UTP4: variants seen among roughly 807,000 people sequenced by gnomAD.
UTP4 encodes the protein UTP4 small subunit processome component, also known as U3 small nucleolar RNA-associated protein 4 homolog.
In UTP4, 45 loss-of-function variants were observed where a neutral mutation model predicts 82.4. The ratio of observed to expected loss-of-function variants is 0.55; its 90% CI spans 0.43 to 0.70. The LOEUF is 0.70. Among genes scored for constraint, UTP4 ranks in the 30% least tolerant of loss-of-function variants. The pLI is 0.00. For synonymous variants in UTP4, 348 were observed against 300.3 expected (o/e 1.16, Z -1.64); for missense variants, 819 against 858.3 (o/e 0.95, Z 0.57).
At chr16:69,154,849 C>A (rs1411425806) in intron 10 of UTP4, among the ~76,000 whole-genome samples, 1 of 152,000 alleles carries the variant, frequency 6.6e-6, no homozygotes, top group African/African-American at 2.4e-5. Context: ...CTGCTTTAGC[C>A]CCCCAAGTAG....
chr16:69,135,906 G>T (rs1239712892), intron 2 of UTP4, among the ~76,000 whole-genome samples: 2 of 152,178 alleles, frequency 1.3e-5, no homozygotes, highest in African/African-American at 4.8e-5. Context: ...GCACATGCCT[G>T]TAATCCCAGC....
Position 69,150,501 on chromosome 16 carries a change from G to C in UTP4, c.739-36G>C, listed in dbSNP as rs1963231745. 4 of 1,613,036 alleles carry C rather than the reference G, an allele frequency of 2.5e-6. No individual in the cohort carries two copies. The East Asian group carries it at 8.9e-5, about 36-fold the overall frequency. ...TATTTTTCCAACCAGACCTTGTTTT[G>C]CTTACGTGTACCTCCCTCATGATTT... is the stretch of plus-strand genomic sequence containing the variant. On this transcript the variant is annotated intron_variant, in intron 6 of 16. Coordinates refer to ENST00000314423, the MANE Select transcript of UTP4 (RefSeq NM_032830.3).
intron 6 of UTP4, among the ~76,000 whole-genome samples, chr16:69,145,805 G>A (rs977404077): frequency 6.6e-6 from 1 of 152,122 alleles, no homozygotes; most frequent in African/African-American, 2.4e-5. Context: ...AGGCAGTGTG[G>A]TGTTCCCAGA....
chr16:69,152,294 T>C (rs1597144543), intron 8 of UTP4, among the ~76,000 whole-genome samples: 1 of 151,820 alleles, frequency 6.6e-6, no homozygotes, highest in Non-Finnish European at 1.5e-5. Context: ...TTATTTGTTT[T>C]TGTTTTTTTG....
intron 2 of UTP4, among the ~76,000 whole-genome samples, chr16:69,135,019 T>TC (rs1962775889): frequency 6.9e-6 from 1 of 144,912 alleles, no homozygotes; most frequent in Admixed American, 6.9e-5. Flanking sequence ...TTCTTCTTCT[T>TC]TTTTTTTTTT....
Position 69,153,804 on chromosome 16 carries a change from GT to G in UTP4, c.1099+128del, listed in dbSNP as rs1415344842. 55 of 730,180 alleles carry G rather than the reference GT, an allele frequency of 7.5e-5. 1 individual carries two copies. The South Asian group carries it at 8.0e-4, about 11-fold the overall frequency. 45.2% of individuals were successfully genotyped at this position (730,180 alleles called of 1,614,324 possible). On this transcript the variant is annotated intron_variant, in intron 9 of 16. Coordinates refer to ENST00000314423, the MANE Select transcript of UTP4 (RefSeq NM_032830.3). Reference sequence around the variant, plus strand: ...ACTTTTGTGTCCATTTTAACTAATGGTTTTCCCACCCATTAGATAAAGCAAA... The same window carrying G: ...ACTTTTGTGTCCATTTTAACTAATGGTTTCCCACCCATTAGATAAAGCAAA...
At chr16:69,157,335 C>T (rs1250828899) in intron 12 of UTP4, 95 bp downstream of exon 12, 14 of 1,224,982 alleles carry the variant, frequency 1.1e-5, no homozygotes, top group East Asian at 2.5e-5. Context: ...CCCTCATGTT[C>T]CTCCTACCCT....
Position 69,154,510 on chromosome 16 carries a change from A to C in UTP4, c.1164+53A>C. ...TCTAGAGCCTGAATTCTAGGCTCAT[A>C]ATTCCCATTCTGAATTTTGAGGTTA... On this transcript the variant is annotated intron_variant, in intron 10 of 16. Coordinates refer to ENST00000314423, the MANE Select transcript of UTP4 (RefSeq NM_032830.3). 5 of 1,286,592 alleles carry C rather than the reference A, an allele frequency of 3.9e-6. No homozygotes were observed. In the South Asian group the frequency reaches 6.0e-5, roughly 15 times the overall value. 79.7% of individuals were successfully genotyped at this position (1,286,592 alleles called of 1,614,324 possible). A position where few individuals can be genotyped will look rare whatever the true frequency, so the allele number is the denominator to read the frequency against.
intron 11 of UTP4, among the ~76,000 whole-genome samples, chr16:69,156,490 C>T (rs1324630599): frequency 1.4e-4 from 20 of 148,084 alleles, no homozygotes; most frequent in African/African-American, 4.2e-4. Context: ...CCGAGTTTCA[C>T]TCTTGTCACC....
chr16:69,138,527 C>T, intron 4 of UTP4, among the ~76,000 whole-genome samples: 1 of 152,256 alleles, frequency 6.6e-6, no homozygotes, highest in Admixed American at 6.5e-5. Flanking sequence ...GCCTGAGCCA[C>T]TTGCCCTGGC....
At position 69,133,526 on chromosome 16, in the gene UTP4, G is replaced by A. The variant is rs995446622; in HGVS notation, c.67G>A (p.Ala23Thr). Reference protein sequence around the residue: ...NYVPSGIRCVAYNNQSNRLAV... With the variant: ...NYVPSGIRCVTYNNQSNRLAV... ...TGTTCCATCAGGAATCCGCTGTGTG[G>A]CTTACAATAACCAGTCAAACAGATT... Residue 23 changes from alanine (A) to threonine (T), a missense_variant, in exon 2 of 17, where the codon GCT becomes ACT. Ala to Thr is a moderately conservative substitution (Grantham distance 58). Coordinates refer to ENST00000314423, the MANE Select transcript of UTP4 (RefSeq NM_032830.3). The A allele has an allele frequency of 3.7e-6, 6 of 1,614,032 alleles. No homozygotes were observed. The highest frequency in any genetic ancestry group is 5.1e-6 in the Non-Finnish European group (6 of 1,180,002).
intron 14 of UTP4, among the ~76,000 whole-genome samples, chr16:69,163,892 T>G (rs914019952): frequency 1.1e-4 from 16 of 149,038 alleles, no homozygotes; most frequent in South Asian, 2.1e-4. Context: ...TTGTTTTTTT[T>G]TTTTTTTTTT....
chr16:69,141,535 A>T (rs1962958759), intron 5 of UTP4, among the ~76,000 whole-genome samples: 1 of 152,072 alleles, frequency 6.6e-6, no homozygotes, highest in South Asian at 2.1e-4. Context: ...CTGTTATGAA[A>T]TGTAATAATT....
intron 15 of UTP4, 51 bp downstream of exon 15, chr16:69,165,577 T>G: frequency 1.4e-6 from 2 of 1,479,136 alleles, no homozygotes; most frequent in South Asian, 2.3e-5. Flanking sequence ...CTTAAAGTTC[T>G]AAAAGCAACA....
intron 6 of UTP4, 49 bp from the exon 7 acceptor site, chr16:69,150,488 C>T (rs984783505): frequency 2.5e-6 from 4 of 1,605,924 alleles, no homozygotes; most frequent in Non-Finnish European, 3.4e-6. Context: ...TTTTTCCAAC[C>T]AGACCTTGTT....
chr16:69,168,433 C>CAAA (rs34234554), intron 16 of UTP4, among the ~76,000 whole-genome samples: 45 of 51,542 alleles, frequency 8.7e-4, no homozygotes, highest in Non-Finnish European at 1.1e-3. Context: ...GAGACTGTCT[C>CAAA]AAAAAAAAAA....
chr16:69,160,664 T>C (rs1963542229), intron 13 of UTP4, among the ~76,000 whole-genome samples: 1 of 150,660 alleles, frequency 6.6e-6, no homozygotes, highest in Non-Finnish European at 1.5e-5. Flanking sequence ...TGGCGCGATC[T>C]CGGCTCACTG....
intron 9 of UTP4, 87 bp downstream of exon 9, chr16:69,153,767 A>G (rs1218924987): frequency 6.9e-6 from 6 of 871,906 alleles, no homozygotes; most frequent in African/African-American, 1.7e-5. Flanking sequence ...GCTTATAGAA[A>G]AACTGAAGTA....
At chr16:69,149,063 T>G (rs1963193693) in intron 6 of UTP4, among the ~76,000 whole-genome samples, 1 of 151,860 alleles carries the variant, frequency 6.6e-6, no homozygotes, top group South Asian at 2.1e-4. Flanking sequence ...CTGGCAAACG[T>G]GGTAAAACCC....
Sources: gnomAD v4.1 joint callset for allele counts (sites outside exome capture counted in the v4.1 genomes callset) on GRCh38, gnomAD v4.1.1 for gene constraint, MANE v1.5 for transcripts, NCBI Gene and HGNC (gene_info 2026-07-23, HGNC 2026-07-21) for gene names.